Variants in GDF3 observed in about 807,000 individuals in gnomAD.
GDF3 encodes growth/differentiation factor 3.
A neutral mutation model predicts 10.2 loss-of-function variants in GDF3; 10 were observed. The ratio of observed to expected loss-of-function variants is 0.98; its 90% CI spans 0.60 to 1.66. GDF3 has a LOEUF of 1.66. Among genes scored for constraint, GDF3 ranks in the 40% most tolerant of loss-of-function variants. The probability of loss-of-function intolerance (pLI) is 0.00; values close to 1 mark genes in which losing one functional copy is unlikely to be tolerated. For missense variants in GDF3, 450 were observed against 438.3 expected, an observed-to-expected ratio of 1.03 and a Z score of -0.24; for synonymous variants, 166 against 178.5, an observed-to-expected ratio of 0.93 and a Z score of 0.56.
rs1864108440 is a variant in GDF3, at chr12:7,690,021, GCAT to G, written c.949_951del (p.Met317del). 3 of 1,614,042 alleles carry G rather than the reference GCAT, an allele frequency of 1.9e-6. No individual in the cohort carries two copies. In the East Asian group the frequency reaches 6.7e-5, roughly 36 times the overall value. On this transcript the variant is annotated inframe_deletion, in exon 2 of 2. Transcript: ENST00000329913. ...TGGGGGATCTCTGGGTCAACGGCAT[GCAT>G]CAGGGCTTGCATGAAAGCATAATTG...
intron 1 of GDF3, among the ~76,000 whole-genome samples, chr12:7,694,157 G>T (rs1289008279): frequency 6.6e-6 from 1 of 151,954 alleles, no homozygotes; most frequent in African/African-American, 2.4e-5. Context: ...GTGAGACTGG[G>T]GAAGTAAGCA....
At chr12:7,691,804 G>A (rs148969878) in intron 1 of GDF3, among the ~76,000 whole-genome samples, 39,278 of 149,764 alleles carry the variant, frequency 0.26, 5,264 homozygotes, top group Non-Finnish European at 0.31. Context: ...TGAGGAGATC[G>A]AGACCATCCT....
chr12:7,690,566 T>C lies in GDF3; in HGVS notation c.407A>G (p.Tyr136Cys), dbSNP rs1160498720. ...QLGLDLGPNS[Y>C]YNLGPELELA... Reference sequence around the variant, plus strand: ...TTCCAGCTCTGGTCCCAGGTTATAGTAAGAATTGGGCCCCAAGTCCAGGCC... The same window carrying C: ...TTCCAGCTCTGGTCCCAGGTTATAGCAAGAATTGGGCCCCAAGTCCAGGCC... The change falls in exon 2 of 2, where the codon TAC (tyrosine) becomes TGC (cysteine). Residue 136 changes from tyrosine to cysteine, a missense_variant. Tyr to Cys is a radical substitution (Grantham distance 194, BLOSUM62 -2). Transcript: ENST00000329913. The C allele has an allele frequency of 9.3e-6, 15 of 1,606,358 alleles. No individual in the cohort carries two copies. Among genetic ancestry groups the C allele is most frequent in the Non-Finnish European group, 1.3e-5 (15 of 1,176,046 alleles).
intron 1 of GDF3, 151 bp downstream of exon 1, chr12:7,695,310 T>C (rs773434001): frequency 1.0e-4 from 81 of 811,266 alleles, no homozygotes; most frequent in African/African-American, 7.6e-4. Context: ...AATATCTAAC[T>C]TCCTCTCAGG....
At chr12:7,695,082 G>A (rs1864168050) in intron 1 of GDF3, among the ~76,000 whole-genome samples, 1 of 152,084 alleles carries the variant, frequency 6.6e-6, no homozygotes, top group Non-Finnish European at 1.5e-5. Flanking sequence ...CATGGAAGAC[G>A]GCAGGATGTG....
chr12:7,693,431 A>G (rs1397621466), intron 1 of GDF3, among the ~76,000 whole-genome samples: 11 of 91,584 alleles, frequency 1.2e-4, no homozygotes, highest in Middle Eastern at 8.6e-3. Flanking sequence ...GAGTGGGGGG[A>G]GGGCCTTACC....
At chr12:7,694,717 G>C (rs745394371) in intron 1 of GDF3, among the ~76,000 whole-genome samples, 1 of 151,948 alleles carries the variant, frequency 6.6e-6, no homozygotes, top group Non-Finnish European at 1.5e-5. Flanking sequence ...ACTAACCAAG[G>C]CTCTAAATTC....
intron 1 of GDF3, among the ~76,000 whole-genome samples, chr12:7,692,190 T>C (rs1447047200): frequency 6.6e-6 from 1 of 151,958 alleles, no homozygotes; most frequent in Non-Finnish European, 1.5e-5. Flanking sequence ...TCCCAGCACT[T>C]TGGGAGGCCA....
At chr12:7,691,366 T>A (rs1864128405) in intron 1 of GDF3, among the ~76,000 whole-genome samples, 1 of 151,986 alleles carries the variant, frequency 6.6e-6, no homozygotes, top group Non-Finnish European at 1.5e-5. Flanking sequence ...TTGTTATCAA[T>A]AAAATCATAG....
chr12:7,691,024 C>T (rs1366792785), intron 1 of GDF3, among the ~76,000 whole-genome samples: 1 of 152,036 alleles, frequency 6.6e-6, no homozygotes, highest in Non-Finnish European at 1.5e-5. Context: ...GTGGCGGGCG[C>T]CTGTAGTCCC....
At position 7,690,120 on chromosome 12, in the gene GDF3, G is replaced by C. The variant is rs757954351; in HGVS notation, c.853C>G (p.Pro285Ala). Residue 285 changes from proline (P) to alanine (A), a missense_variant, in exon 2 of 2, where the codon CCC becomes GCC. Coordinates refer to ENST00000329913, the MANE Select transcript of GDF3 (RefSeq NM_020634.3). ...DLGWHKWIIA[P>A]KGFMANYCHG... ...CAGTAATTTGCCATGAACCCCTTGG[G>C]GGCAATGATCCACTTGTGCCAACCC... is the stretch of plus-strand genomic sequence containing the variant. 5 of 1,614,068 alleles carry C rather than the reference G, an allele frequency of 3.1e-6. No homozygotes were observed. The highest frequency in any genetic ancestry group is 1.1e-5 in the South Asian group (1 of 91,078).
rs763782680 is a variant in GDF3 at position 7,692,525 on chromosome 12, T to C, written c.269-1821A>G. Among the ~76,000 whole-genome samples the C allele has an allele frequency of 2.4e-4, 36 of 151,398 alleles. No homozygotes were observed. In the South Asian group the frequency reaches 3.8e-3, roughly 16 times the overall value. ...TTGGCTTTAATTTTTTTTTTTTTTTTCTGAGACGGAGTCCTGCTCTGTTGC... is the reference window on the plus strand; with the variant it reads ...TTGGCTTTAATTTTTTTTTTTTTTTCCTGAGACGGAGTCCTGCTCTGTTGC... On this transcript the variant is annotated intron_variant, in intron 1 of 1. Coordinates refer to ENST00000329913, the MANE Select transcript of GDF3 (RefSeq NM_020634.3).
Position 7,690,499 on chromosome 12 carries a change from C to A in GDF3, c.474G>T (p.Gln158His), listed in dbSNP as rs1178663668. 1 of 1,613,678 alleles carries A rather than the reference C, an allele frequency of 6.2e-7. No individual in the cohort carries two copies. The highest frequency in any genetic ancestry group is 1.7e-5 in the Admixed American group (1 of 59,988). ...FLVQEPHVWGQTTPKPGKMFV... is the reference protein window; with the variant it reads ...FLVQEPHVWGHTTPKPGKMFV... The stretch of plus-strand genomic sequence containing the variant: ...ACATTTTACCTGGCTTAGGGGTGGT[C>A]TGGCCCCACACATGAGGCTCCTGAA... The change falls in exon 2 of 2, where the codon CAG becomes CAT. Residue 158 changes from glutamine to histidine, a missense_variant. By Grantham distance (24) the Gln-to-His change is conservative (BLOSUM62 0). Transcript: ENST00000329913.
Position 7,690,077 on chromosome 12 carries a change from A to T in GDF3, c.896T>A (p.Phe299Tyr). ...GCTGTTGAGAGAGATGGTCAGTGAGAAGGGACACTCTCCATGGCAGTAATT... is the reference window on the plus strand; with the variant it reads ...GCTGTTGAGAGAGATGGTCAGTGAGTAGGGACACTCTCCATGGCAGTAATT... ...MANYCHGECPFSLTISLNSSN... is the reference protein window; with the variant it reads ...MANYCHGECPYSLTISLNSSN... Residue 299 changes from phenylalanine (F) to tyrosine (Y), a missense_variant, in exon 2 of 2, where the codon TTC (phenylalanine) becomes TAC (tyrosine). Coordinates refer to ENST00000329913, the MANE Select transcript of GDF3 (RefSeq NM_020634.3). 2 of 1,614,120 alleles carry T rather than the reference A, an allele frequency of 1.2e-6. No homozygotes were observed. Among genetic ancestry groups the T allele is most frequent in the Middle Eastern group, 1.6e-4 (1 of 6,062 alleles).
intron 1 of GDF3, among the ~76,000 whole-genome samples, chr12:7,691,019 G>T (rs1169307041): frequency 6.6e-6 from 1 of 151,876 alleles, no homozygotes; most frequent in Non-Finnish European, 1.5e-5. Context: ...GCGTGGTGGC[G>T]GGCGCCTGTA....
chr12:7,695,478 C>T lies in GDF3; in HGVS notation c.251G>A (p.Arg84His), dbSNP rs766154682. ...KELGVRGNVL[R>H]FLPDQGFFLY... ...TTCCTTACCTTGGTCTGGGAGAAAGCGAAGTACATTCCCGCGGACGCCCAG... is the reference window on the plus strand; with the variant it reads ...TTCCTTACCTTGGTCTGGGAGAAAGTGAAGTACATTCCCGCGGACGCCCAG... The change falls in exon 1 of 2, where the codon CGC (arginine) becomes CAC (histidine). Residue 84 changes from arginine (R) to histidine (H), a missense_variant. Physicochemically the swap from Arg to His is conservative, Grantham distance 29. Coordinates refer to ENST00000329913, the MANE Select transcript of GDF3 (RefSeq NM_020634.3). The T allele has an allele frequency of 1.4e-5, 23 of 1,613,862 alleles. No homozygotes were observed. Among genetic ancestry groups the T allele is most frequent in the South Asian group, 1.3e-4 (12 of 91,076 alleles).
rs776464295 is a variant in GDF3, at chr12:7,690,210, C to T, written c.763G>A (p.Val255Ile). The change falls in exon 2 of 2, where the codon GTC becomes ATC. Residue 255 changes from valine to isoleucine, a missense_variant. Coordinates refer to ENST00000329913, the MANE Select transcript of GDF3 (RefSeq NM_020634.3). ...AGGTTCTTACAAGAAAGCTTGGGGA[C>T]AGGGATGGCTGCTCTCCTTTTCCGA... ...PSRKRRAAIP[V>I]PKLSCKNLCH... 1.7e-5 allele frequency: 28 copies of T among 1,614,080 alleles called. No individual in the cohort carries two copies. In the East Asian group the frequency reaches 6.2e-4, roughly 36 times the overall value.
chr12:7,691,977 A>G (rs1264964477), intron 1 of GDF3, among the ~76,000 whole-genome samples: 2 of 152,112 alleles, frequency 1.3e-5, no homozygotes, highest in Admixed American at 6.6e-5. Context: ...ACTGCACTCC[A>G]GCCTGGGCGA....
chr12:7,692,508 A>ATT (rs1565449550), intron 1 of GDF3, among the ~76,000 whole-genome samples: 1 of 145,846 alleles, frequency 6.9e-6, no homozygotes, highest in Non-Finnish European at 1.5e-5. Context: ...GATTGGCTTT[A>ATT]ATTTTTTTTT....
Sources: allele counts gnomAD v4.1 joint callset (sites outside exome capture counted in the v4.1 genomes callset), GRCh38; gene constraint gnomAD v4.1.1; transcripts MANE v1.5; gene names NCBI Gene and HGNC (gene_info 2026-07-23, HGNC 2026-07-21).